Variants in LRRTM4 observed in about 807,000 individuals in gnomAD.
LRRTM4 encodes leucine-rich repeat transmembrane neuronal protein 4.
A neutral mutation model predicts 47.6 loss-of-function variants in LRRTM4; 25 were observed. The ratio of observed to expected loss-of-function variants is 0.53; its 90% confidence interval spans 0.38 to 0.73. The LOEUF (loss-of-function observed/expected upper bound fraction) is 0.73. LRRTM4 is among the 30% of genes least tolerant of loss of function. The probability of loss-of-function intolerance (pLI) is 0.00; values close to 1 mark genes in which losing one functional copy is unlikely to be tolerated. For missense variants in LRRTM4, 638 were observed against 713.4 expected, an observed-to-expected ratio of 0.89 and a Z score of 1.20; for synonymous variants, 311 against 269.5, an observed-to-expected ratio of 1.15 and a Z score of -1.51.
intron 3 of LRRTM4, among the ~76,000 whole-genome samples, chr2:77,184,595 T>C (rs1460501986): frequency 6.6e-6 from 1 of 152,142 alleles, no homozygotes; most frequent in Non-Finnish European, 1.5e-5. Context: ...ACATAAAGCC[T>C]TTCCCAAAGG....
chr2:77,450,001 A>G (rs1459795430), intron 3 of LRRTM4, among the ~76,000 whole-genome samples: 1 of 152,164 alleles, frequency 6.6e-6, no homozygotes, highest in Non-Finnish European at 1.5e-5. Flanking sequence ...TATAACTCCA[A>G]CAAGTCAGAA....
chr2:77,335,737 C>T (rs1328141200), intron 3 of LRRTM4, among the ~76,000 whole-genome samples: 4 of 152,126 alleles, frequency 2.6e-5, no homozygotes, highest in African/African-American at 7.2e-5. Context: ...TGAATCTCTG[C>T]TATTTGACTT....
chr2:76,894,506 G>A (rs1484829816), intron 3 of LRRTM4, among the ~76,000 whole-genome samples: 1 of 151,966 alleles, frequency 6.6e-6, no homozygotes, highest in Non-Finnish European at 1.5e-5. Flanking sequence ...CTGTTAGGTG[G>A]CTACGATAGC....
intron 3 of LRRTM4, among the ~76,000 whole-genome samples, chr2:77,155,809 T>A (rs916403008): frequency 6.6e-6 from 1 of 152,166 alleles, no homozygotes; most frequent in African/African-American, 2.4e-5. Context: ...TACATTTGGT[T>A]GTTCTATTGT....
intron 3 of LRRTM4, among the ~76,000 whole-genome samples, chr2:76,760,698 C>T (rs1673221974): frequency 6.6e-6 from 1 of 152,144 alleles, no homozygotes; most frequent in Non-Finnish European, 1.5e-5. Context: ...CCATTATCCT[C>T]ACCTTCCAGC....
chr2:77,210,954 T>G (rs1674276850), intron 3 of LRRTM4, among the ~76,000 whole-genome samples: 1 of 152,188 alleles, frequency 6.6e-6, no homozygotes, highest in South Asian at 2.1e-4. Context: ...GCCCGCCCAT[T>G]ACCTGGAATG....
intron 3 of LRRTM4, among the ~76,000 whole-genome samples, chr2:77,233,446 G>A (rs1023994437): frequency 2.4e-4 from 36 of 152,128 alleles, no homozygotes; most frequent in African/African-American, 8.7e-4. Context: ...TTTTTTAATA[G>A]TGTAAATTCT....
intron 3 of LRRTM4, among the ~76,000 whole-genome samples, chr2:76,845,245 C>G (rs948720372): frequency 6.6e-6 from 1 of 152,080 alleles, no homozygotes; most frequent in Non-Finnish European, 1.5e-5. Flanking sequence ...AATTCCAACA[C>G]TTTGGGAGGC....
intron 3 of LRRTM4, among the ~76,000 whole-genome samples, chr2:77,183,988 G>C (rs10172327): frequency 0.7 from 106,862 of 151,934 alleles, 38,485 homozygotes; most frequent in African/African-American, 0.88. Flanking sequence ...TGCTAAATGA[G>C]GAGTTAATGG....
intron 3 of LRRTM4, among the ~76,000 whole-genome samples, chr2:76,840,453 A>C (rs1671638943): frequency 6.6e-6 from 1 of 152,210 alleles, no homozygotes; most frequent in East Asian, 1.9e-4. Context: ...CCTTGATGGA[A>C]AGTCAGCAAT....
intron 3 of LRRTM4, among the ~76,000 whole-genome samples, chr2:77,498,597 C>T (rs1039708605): frequency 6.6e-6 from 1 of 151,708 alleles, no homozygotes; most frequent in Non-Finnish European, 1.5e-5. Context: ...ATTCTTGGGC[C>T]TGGTGGGTGC....
chr2:77,191,790 G>A (rs1342026323), intron 3 of LRRTM4, among the ~76,000 whole-genome samples: 2 of 151,992 alleles, frequency 1.3e-5, no homozygotes, highest in African/African-American at 4.8e-5. Context: ...TAGTACTGGA[G>A]TACATGTTCA....
At chr2:77,087,525 C>T (rs575620413) in intron 3 of LRRTM4, among the ~76,000 whole-genome samples, 4 of 152,358 alleles carry the variant, frequency 2.6e-5, no homozygotes, top group African/African-American at 9.6e-5. Flanking sequence ...TACAGACATT[C>T]AACCAATGTT....
At chr2:77,218,812 T>C (rs941087335) in intron 3 of LRRTM4, among the ~76,000 whole-genome samples, 14 of 152,134 alleles carry the variant, frequency 9.2e-5, no homozygotes, top group Non-Finnish European at 1.8e-4. Flanking sequence ...TTGTGATGCC[T>C]TCATTGAATA....
At chr2:76,812,754 CTTCT>C in intron 3 of LRRTM4, among the ~76,000 whole-genome samples, 1 of 99,778 alleles carries the variant, frequency 1.0e-5, no homozygotes, top group South Asian at 3.2e-4. Flanking sequence ...CCTCTCCCTC[CTTCT>C]CCTCCTCCTC....
chr2:77,079,628 C>T (rs1189722567), intron 3 of LRRTM4, among the ~76,000 whole-genome samples: 1 of 152,136 alleles, frequency 6.6e-6, no homozygotes, highest in African/African-American at 2.4e-5. Context: ...AGATTGGATA[C>T]CCCTGCTGAA....
intron 3 of LRRTM4, among the ~76,000 whole-genome samples, chr2:76,913,330 G>C (rs1008534822): frequency 9.3e-5 from 14 of 150,946 alleles, no homozygotes; most frequent in African/African-American, 3.4e-4. Context: ...TAAAGTGAGT[G>C]ATATATTTTT....
chr2:77,228,293 A>G (rs1294293656), intron 3 of LRRTM4, among the ~76,000 whole-genome samples: 1 of 152,108 alleles, frequency 6.6e-6, no homozygotes, highest in African/African-American at 2.4e-5. Flanking sequence ...TATTCTCCTT[A>G]ATTCTATGCC....
rs187122265 is a variant in LRRTM4, at chr2:77,429,782, T to C, written c.1551+88536A>G. Among the ~76,000 whole-genome samples the C allele has an allele frequency of 4.3e-3, 649 of 152,238 alleles. 3 individuals carry two copies. Among genetic ancestry groups the C allele is most frequent in the African/African-American group, 0.015 (625 of 41,554 alleles). ...AGACAGGAGGAGTTAATTCAAGAAA[T>C]CTGCCAGGTGGGGTGTCTCATGCCT... On this transcript the variant is annotated intron_variant, in intron 3 of 3. Coordinates refer to ENST00000409884, the MANE Select transcript of LRRTM4 (RefSeq NM_001134745.3).
Sources: gnomAD v4.1 joint callset for allele counts (sites outside exome capture counted in the v4.1 genomes callset) on GRCh38, gnomAD v4.1.1 for gene constraint, MANE v1.5 for transcripts, NCBI Gene and HGNC (gene_info 2026-07-23, HGNC 2026-07-21) for gene names.